CTIF: variants seen among roughly 807,000 people sequenced by gnomAD.
CTIF encodes the protein cap binding complex dependent translation initiation factor.
A neutral mutation model predicts 66.0 loss-of-function variants in CTIF; 21 were observed. The ratio of observed to expected loss-of-function variants is 0.32; its 90% CI spans 0.23 to 0.46. CTIF has a LOEUF of 0.46. CTIF is among the 20% of genes least tolerant of loss of function. The pLI, the probability that CTIF is intolerant of heterozygous loss-of-function variation, is 1.00. For missense variants in CTIF, 739 were observed against 812.7 expected (o/e 0.91, Z 1.10); for synonymous variants, 345 against 326.4 (o/e 1.06, Z -0.62).
chr18:48,843,007 C>T (rs567633800), intron 10 of CTIF, among the ~76,000 whole-genome samples: 11 of 152,238 alleles, frequency 7.2e-5, no homozygotes, highest in African/African-American at 2.2e-4. Flanking sequence ...TCTGCTTGCC[C>T]GGGGTCCCAG....
intron 7 of CTIF, among the ~76,000 whole-genome samples, chr18:48,736,666 G>T (rs1248325875): frequency 6.6e-6 from 1 of 152,222 alleles, no homozygotes; most frequent in Non-Finnish European, 1.5e-5. Context: ...TTTTCACAGT[G>T]GAAGAGAGAA....
intron 10 of CTIF, among the ~76,000 whole-genome samples, chr18:48,834,243 G>A (rs535900304): frequency 3.3e-5 from 5 of 152,336 alleles, no homozygotes; most frequent in Admixed American, 2.6e-4. Flanking sequence ...TCTTCATAGC[G>A]GAAAAAGCAG....
intron 1 of CTIF, among the ~76,000 whole-genome samples, chr18:48,568,816 G>A (rs56965208): frequency 0.023 from 3,440 of 152,092 alleles, 127 homozygotes; most frequent in African/African-American, 0.076. Context: ...ATCAGATCTC[G>A]TGAGACTTAT....
intron 5 of CTIF, among the ~76,000 whole-genome samples, chr18:48,665,954 T>C (rs1235388781): frequency 6.6e-6 from 1 of 152,226 alleles, no homozygotes; most frequent in African/African-American, 2.4e-5. Flanking sequence ...TTGCTTGTAA[T>C]TACTTGGGTG....
intron 4 of CTIF, among the ~76,000 whole-genome samples, chr18:48,664,049 G>A (rs1032540154): frequency 1.3e-5 from 2 of 152,186 alleles, no homozygotes; most frequent in Non-Finnish European, 2.9e-5. Context: ...GGGCTGCAGA[G>A]GCTGGGCCCC....
chr18:48,805,920 A>G (rs1165478656), intron 9 of CTIF, among the ~76,000 whole-genome samples: 14 of 151,892 alleles, frequency 9.2e-5, no homozygotes, highest in South Asian at 2.1e-4. Flanking sequence ...GAACACCTAC[A>G]ACGAGCCAAG....
At chr18:48,785,085 C>A (rs1387934030) in intron 9 of CTIF, among the ~76,000 whole-genome samples, 1 of 152,220 alleles carries the variant, frequency 6.6e-6, no homozygotes, top group Non-Finnish European at 1.5e-5. Flanking sequence ...GGGTGAATTT[C>A]TTTTCTCTTT....
At chr18:48,670,627 A>G (rs7235219) in intron 5 of CTIF, 42 bp from the exon 6 acceptor site, 26,346 of 1,566,134 alleles carry the variant, frequency 0.017, 605 homozygotes, top group African/African-American at 0.11. Flanking sequence ...GGAGGCATGA[A>G]TGAGCCATCT....
At chr18:48,718,087 C>T (rs2092298775) in intron 7 of CTIF, among the ~76,000 whole-genome samples, 1 of 152,140 alleles carries the variant, frequency 6.6e-6, no homozygotes, top group Admixed American at 6.5e-5. Flanking sequence ...ATGTGTCAGG[C>T]TAGTAACTGT....
At chr18:48,569,127 A>AT (rs2089353074) in intron 1 of CTIF, among the ~76,000 whole-genome samples, 1 of 152,152 alleles carries the variant, frequency 6.6e-6, no homozygotes, top group Admixed American at 6.5e-5. Context: ...ACATGACCTC[A>AT]TTTTACCTTA....
Position 48,758,485 on chromosome 18 carries a change from T to C in CTIF, c.1071+80T>C, listed in dbSNP as rs571337019. The C allele has an allele frequency of 6.7e-6, 10 of 1,493,402 alleles. No homozygotes were observed. In the South Asian group the frequency reaches 1.3e-4, roughly 20 times the overall value. The allele number at this position is 1,493,402 out of a possible 1,614,324, so 92.5% of individuals were successfully genotyped here. ...TAGGCACTTTGGTAGGTGGGCACAG[T>C]GCAGAGCCTTGTGGGTTTGAGGGTC... On this transcript the variant is annotated intron_variant, in intron 8 of 11. Coordinates refer to ENST00000256413, the MANE Select transcript of CTIF (RefSeq NM_014772.3).
intron 8 of CTIF, 65 bp downstream of exon 8, chr18:48,758,470 G>T: frequency 6.5e-7 from 1 of 1,528,670 alleles, no homozygotes; most frequent in Non-Finnish European, 8.8e-7. Context: ...TAGGCACTTT[G>T]GTAGGTGGGC....
At chr18:48,739,004 G>A (rs1444144165) in intron 7 of CTIF, among the ~76,000 whole-genome samples, 1 of 152,184 alleles carries the variant, frequency 6.6e-6, no homozygotes, top group Non-Finnish European at 1.5e-5. Flanking sequence ...GACACCCCAG[G>A]AAGTCTTAGC....
chr18:48,745,277 C>T (rs1230313470), intron 7 of CTIF, among the ~76,000 whole-genome samples: 1 of 152,170 alleles, frequency 6.6e-6, no homozygotes, highest in African/African-American at 2.4e-5. Flanking sequence ...TGTGACCTTC[C>T]CAGTGCACCA....
intron 10 of CTIF, among the ~76,000 whole-genome samples, chr18:48,847,690 C>T (rs1419458739): frequency 6.6e-6 from 1 of 152,226 alleles, no homozygotes; most frequent in East Asian, 1.9e-4. Context: ...AGCTCTTTCA[C>T]ATACGTTATT....
At chr18:48,660,006 T>TA (rs2091314251) in intron 3 of CTIF, among the ~76,000 whole-genome samples, 1 of 151,132 alleles carries the variant, frequency 6.6e-6, no homozygotes, top group Non-Finnish European at 1.5e-5. Flanking sequence ...ACCTGTGACG[T>TA]GTGTCGATTG....
chr18:48,793,394 G>A (rs2067836492), intron 9 of CTIF, among the ~76,000 whole-genome samples: 1 of 152,212 alleles, frequency 6.6e-6, no homozygotes, highest in Admixed American at 6.5e-5. Context: ...TAGGATAGGT[G>A]CCTGGGGGCC....
chr18:48,601,658 G>A (rs978929897), intron 1 of CTIF, among the ~76,000 whole-genome samples: 8 of 152,208 alleles, frequency 5.3e-5, no homozygotes, highest in African/African-American at 1.7e-4. Flanking sequence ...GTTCTGAGAT[G>A]GCATTGAGAC....
At chr18:48,785,127 T>C (rs1447456243) in intron 9 of CTIF, among the ~76,000 whole-genome samples, 2 of 152,232 alleles carry the variant, frequency 1.3e-5, no homozygotes, top group Non-Finnish European at 2.9e-5. Flanking sequence ...CTTCCTTCTC[T>C]TTTGTCCTTC....
Sources: gnomAD v4.1 joint callset for allele counts (sites outside exome capture counted in the v4.1 genomes callset) on GRCh38, gnomAD v4.1.1 for gene constraint, MANE v1.5 for transcripts, NCBI Gene and HGNC (gene_info 2026-07-23, HGNC 2026-07-21) for gene names.